Variants in CCDC171 observed in about 807,000 individuals in gnomAD.
The protein encoded by CCDC171 is coiled-coil domain-containing protein 171.
Under a neutral mutation model 168.2 loss-of-function variants are expected in CCDC171, and 177 were observed. The ratio of observed to expected loss-of-function variants is 1.05; its 90% confidence interval spans 0.93 to 1.19. CCDC171 has a LOEUF of 1.19. Among genes scored for constraint, CCDC171 ranks in the 50% most tolerant of loss-of-function variants. The probability of loss-of-function intolerance (pLI) is 0.00; values close to 1 mark genes in which losing one functional copy is unlikely to be tolerated. For synonymous variants in CCDC171, 687 were observed against 540.8 expected, an observed-to-expected ratio of 1.27 and a Z score of -3.75; for missense variants, 1,991 against 1,539.0, an observed-to-expected ratio of 1.29 and a Z score of -4.91.
chr9:15,797,514 C>T (rs2058618365), intron 21 of CCDC171, among the ~76,000 whole-genome samples: 1 of 152,050 alleles, frequency 6.6e-6, no homozygotes, highest in African/African-American at 2.4e-5. Flanking sequence ...CTGTGTTTGG[C>T]CAACATTTAA....
chr9:15,842,273 AG>A (rs1216641672), intron 21 of CCDC171, among the ~76,000 whole-genome samples: 2 of 152,062 alleles, frequency 1.3e-5, no homozygotes, highest in African/African-American at 4.8e-5. Context: ...TGGTCTTCTT[AG>A]CGGCCTAATG....
At chr9:15,940,046 G>C (rs192492578) in intron 25 of CCDC171, among the ~76,000 whole-genome samples, 5 of 151,734 alleles carry the variant, frequency 3.3e-5, no homozygotes, top group African/African-American at 1.2e-4. Context: ...TACTCAATGC[G>C]TACACTCTTT....
intron 24 of CCDC171, among the ~76,000 whole-genome samples, chr9:15,899,630 A>G (rs997169972): frequency 6.6e-6 from 1 of 152,076 alleles, no homozygotes; most frequent in Non-Finnish European, 1.5e-5. Context: ...CTATTTGTAT[A>G]TTCTCTTTTG....
intron 16 of CCDC171, among the ~76,000 whole-genome samples, chr9:15,734,601 T>C (rs893956997): frequency 2.0e-5 from 3 of 152,196 alleles, no homozygotes; most frequent in African/African-American, 7.2e-5. Flanking sequence ...TTTATGTACA[T>C]ATTTGCTTTT....
intron 1 of CCDC171, among the ~76,000 whole-genome samples, chr9:16,046,516 G>A (rs114984192): frequency 0.01 from 1,552 of 152,310 alleles, 25 homozygotes; most frequent in African/African-American, 0.035. Flanking sequence ...CTTGACATTT[G>A]ACACAGTGAT....
At chr9:15,630,511 C>T (rs565589623) in intron 7 of CCDC171, among the ~76,000 whole-genome samples, 149 of 152,240 alleles carry the variant, frequency 9.8e-4, no homozygotes, top group East Asian at 6.2e-3. Flanking sequence ...TACAGGAGCA[C>T]GAAGATTCAT....
At chr9:15,608,091 C>T (rs559000314) in intron 6 of CCDC171, among the ~76,000 whole-genome samples, 54 of 152,220 alleles carry the variant, frequency 3.5e-4, no homozygotes, top group Middle Eastern at 3.4e-3. Flanking sequence ...TCAGGTCTCT[C>T]TTTCTCTTCT....
intron 3 of CCDC171, among the ~76,000 whole-genome samples, chr9:15,985,675 T>A (rs930808815): frequency 3.3e-5 from 5 of 152,236 alleles, no homozygotes; most frequent in Non-Finnish European, 7.3e-5. Context: ...AGAAACAAGT[T>A]GTACTGTAAT....
intron 24 of CCDC171, among the ~76,000 whole-genome samples, chr9:15,903,109 A>C (rs1196574185): frequency 6.6e-6 from 1 of 152,324 alleles, no homozygotes; most frequent in African/African-American, 2.4e-5. Context: ...CTGGGGGTTG[A>C]GCATTGCCAA....
intron 13 of CCDC171, 65 bp from the exon 14 acceptor site, chr9:15,724,711 C>G (rs2053685646): frequency 1.0e-6 from 1 of 993,778 alleles, no homozygotes; most frequent in Non-Finnish European, 1.6e-6. Flanking sequence ...GTGTTTTATA[C>G]TAGTGTCCCC....
intron 21 of CCDC171, among the ~76,000 whole-genome samples, chr9:15,793,834 A>G (rs192229945): frequency 1.3e-5 from 2 of 152,020 alleles, no homozygotes; most frequent in Non-Finnish European, 2.9e-5. Flanking sequence ...GATGTGACAG[A>G]TATATTAATC....
intron 15 of CCDC171, among the ~76,000 whole-genome samples, chr9:15,728,483 A>T (rs1340428031): frequency 6.6e-6 from 1 of 152,214 alleles, no homozygotes; most frequent in Non-Finnish European, 1.5e-5. Flanking sequence ...AAAAGCTTAA[A>T]CATTTTAAAT....
intron 6 of CCDC171, among the ~76,000 whole-genome samples, chr9:16,028,172 A>G (rs1161216926): frequency 1.3e-5 from 2 of 152,178 alleles, no homozygotes; most frequent in African/African-American, 2.4e-5. Flanking sequence ...GTCAGCGGCA[A>G]TTAGTGTTGC....
chr9:15,832,439 T>C (rs2060272672), intron 21 of CCDC171, among the ~76,000 whole-genome samples: 1 of 152,216 alleles, frequency 6.6e-6, no homozygotes, highest in African/African-American at 2.4e-5. Context: ...TATACCCTTC[T>C]ACACACATAG....
At chr9:15,928,620 AACAGTGCTCATTTT>A (rs146546854) in intron 25 of CCDC171, among the ~76,000 whole-genome samples, 2,007 of 151,854 alleles carry the variant, frequency 0.013, 31 homozygotes, top group Non-Finnish European at 0.022. Flanking sequence ...TTTATGTCAT[AACAGTGCTCATTTT>A]ACCCTTTGCT....
At chr9:15,739,861 CTGAG>C (rs1457155527) in intron 16 of CCDC171, among the ~76,000 whole-genome samples, 1 of 151,982 alleles carries the variant, frequency 6.6e-6, no homozygotes, top group African/African-American at 2.4e-5. Flanking sequence ...CCTCAGCCTC[CTGAG>C]TATCTGGGAC....
chr9:15,631,951 C>T (rs2045746727), intron 7 of CCDC171, among the ~76,000 whole-genome samples: 1 of 152,052 alleles, frequency 6.6e-6, no homozygotes, highest in Non-Finnish European at 1.5e-5. Flanking sequence ...GCAGAAAAGG[C>T]CTTTGACAAA....
In CCDC171 at chr9:15,675,527, T is replaced by C. The variant is rs978590419; in HGVS notation, c.1077-3231T>C. On this transcript the variant is annotated intron_variant, in intron 9 of 25. Transcript: ENST00000380701. ...GGCTGGTACCAGTTGTTCCTTTCCA[T>C]GTTTAGTGCTTTCTTCAGGAGCTCT... Among the ~76,000 whole-genome samples, 12 of 152,292 alleles carry C rather than the reference T, an allele frequency of 7.9e-5. No homozygotes were observed. In the South Asian group the frequency reaches 1.9e-3, roughly 24 times the overall value.
intron 18 of CCDC171, among the ~76,000 whole-genome samples, chr9:15,762,620 A>G (rs2056510106): frequency 6.6e-6 from 1 of 152,234 alleles, no homozygotes; most frequent in Admixed American, 6.5e-5. Flanking sequence ...ATTCTCAGTA[A>G]TATCAGACAT....
Sources: allele counts gnomAD v4.1 joint callset (sites outside exome capture counted in the v4.1 genomes callset), GRCh38; gene constraint gnomAD v4.1.1; transcripts MANE v1.5; gene names NCBI Gene and HGNC (gene_info 2026-07-23, HGNC 2026-07-21).